Variants in EFCAB3 observed in about 807,000 individuals in gnomAD.
EFCAB3 encodes EF-hand calcium binding domain 3.
A neutral mutation model predicts 42.2 loss-of-function variants in EFCAB3; 36 were observed. That is an observed-to-expected ratio of 0.85 (90% CI 0.65 to 1.13). The LOEUF (loss-of-function observed/expected upper bound fraction) is 1.13, where lower values mean the gene tolerates loss of function less well. Ranked by LOEUF, EFCAB3 falls within the 50% of genes most tolerant of loss-of-function variation. EFCAB3 has a pLI of 0.00. For synonymous variants in EFCAB3, 170 were observed against 172.8 expected, an observed-to-expected ratio of 0.98 and a Z score of 0.13; for missense variants, 418 against 505.1, an observed-to-expected ratio of 0.83 and a Z score of 1.65.
chr17:62,411,697 G>A (rs1052678789), intron 8 of EFCAB3, among the ~76,000 whole-genome samples: 12 of 151,882 alleles, frequency 7.9e-5, no homozygotes, highest in Admixed American at 2.0e-4. Context: ...AACCCAGAAG[G>A]CAGAGGTTGC....
At chr17:62,378,083 T>C, upstream of EFCAB3, 1 of 1,326,330 alleles carries the variant, frequency 7.5e-7, no homozygotes, top group Non-Finnish European at 1.0e-6. Context: ...CTTACATTTT[T>C]TAATACCTTA....
chr17:62,393,441 A>G, intron 4 of EFCAB3, 132 bp from the exon 5 acceptor site: 1 of 693,894 alleles, frequency 1.4e-6, no homozygotes. Context: ...TCACCTGAGC[A>G]TATTTCCAGC....
At chr17:62,411,527 G>C (rs994146842) in intron 8 of EFCAB3, among the ~76,000 whole-genome samples, 1 of 152,150 alleles carries the variant, frequency 6.6e-6, no homozygotes, top group Non-Finnish European at 1.5e-5. Context: ...CCAGCACTTT[G>C]GGAGGCCAAG....
chr17:62,374,707 C>T (rs1361442384), intron 2 of EFCAB3, among the ~76,000 whole-genome samples: 2 of 152,160 alleles, frequency 1.3e-5, no homozygotes, highest in Non-Finnish European at 2.9e-5. Context: ...CGTACAACCT[C>T]AATCTTGAGT....
At chr17:62,382,313 T>C (rs778630103) in intron 1 of EFCAB3, among the ~76,000 whole-genome samples, 8 of 152,236 alleles carry the variant, frequency 5.3e-5, no homozygotes, top group Admixed American at 1.3e-4. Flanking sequence ...TGGCACCATT[T>C]TTATTATTTA....
chr17:62,393,738 C>A, intron 5 of EFCAB3, 94 bp downstream of exon 5: 2 of 1,095,276 alleles, frequency 1.8e-6, no homozygotes, highest in South Asian at 1.3e-5. Flanking sequence ...GGAGACAGGT[C>A]AGGAAGGTGT....
intron 2 of EFCAB3, among the ~76,000 whole-genome samples, chr17:62,383,820 G>A (rs1241114066): frequency 6.6e-6 from 1 of 152,118 alleles, no homozygotes. Flanking sequence ...AAGTCAAAGT[G>A]TAGAAAAAGG....
At chr17:62,388,595 G>T (rs983438690) in intron 3 of EFCAB3, among the ~76,000 whole-genome samples, 1 of 152,314 alleles carries the variant, frequency 6.6e-6, no homozygotes, top group East Asian at 1.9e-4. Flanking sequence ...ATGAATCAAA[G>T]AATCAATCCA....
chr17:62,383,139 G>T, intron 2 of EFCAB3, 86 bp downstream of exon 2: 1 of 1,300,976 alleles, frequency 7.7e-7, no homozygotes, highest in Non-Finnish European at 1.1e-6. Flanking sequence ...TGTCTAGCAG[G>T]TTTTCCGATC....
chr17:62,391,015 C>T (rs1290152201), intron 3 of EFCAB3, among the ~76,000 whole-genome samples: 1 of 152,144 alleles, frequency 6.6e-6, no homozygotes, highest in Non-Finnish European at 1.5e-5. Flanking sequence ...GATTTGGGTC[C>T]AATTTGACAA....
rs186606760 is a variant in EFCAB3 at position 62,414,002 on chromosome 17, T to G, written c.990+148T>G. The G allele has an allele frequency of 1.8e-3, 1,546 of 869,670 alleles. 10 individuals carry two copies. The highest frequency in any genetic ancestry group is 0.017 in the African/African-American group (1,002 of 59,042). The allele number at this position is 869,670 out of a possible 1,614,324, so 53.9% of individuals were successfully genotyped here. A position where few individuals can be genotyped will look rare whatever the true frequency, so the allele number is the denominator to read the frequency against. ...TGTTTCTCATGTTTACCCATTGTAA[T>G]AACACCATTTCTTTCTCTATAATCA... On this transcript the variant is annotated intron_variant, in intron 9 of 9. Coordinates refer to ENST00000305286, the MANE Select transcript of EFCAB3 (RefSeq NM_173503.4).
At chr17:62,409,410 C>T (rs2144111363) in intron 8 of EFCAB3, among the ~76,000 whole-genome samples, 2 of 152,158 alleles carry the variant, frequency 1.3e-5, no homozygotes, top group Middle Eastern at 6.8e-3. Context: ...TGGTACATAC[C>T]CCTAATCCCA....
chr17:62,371,593 T>C (rs1358748653), intron 1 of EFCAB3, among the ~76,000 whole-genome samples: 1 of 152,128 alleles, frequency 6.6e-6, no homozygotes, highest in Non-Finnish European at 1.5e-5. Context: ...TGTGCATGAC[T>C]TTCATTTCTT....
intron 3 of EFCAB3, among the ~76,000 whole-genome samples, chr17:62,391,595 C>T (rs2070302672): frequency 6.6e-6 from 1 of 152,134 alleles, no homozygotes; most frequent in Non-Finnish European, 1.5e-5. Flanking sequence ...CTTTGGAAAG[C>T]CATCTTACCT....
intron 2 of EFCAB3, among the ~76,000 whole-genome samples, chr17:62,374,231 C>T (rs557293767): frequency 1.2e-4 from 19 of 152,098 alleles, no homozygotes; most frequent in Non-Finnish European, 2.4e-4. Context: ...GAGGCCAAGG[C>T]GGGTGGATCA....
intron 8 of EFCAB3, among the ~76,000 whole-genome samples, chr17:62,412,152 G>A (rs1425219298): frequency 6.6e-6 from 1 of 151,710 alleles, no homozygotes; most frequent in African/African-American, 2.4e-5. Context: ...AAGGCAGGCG[G>A]ATCACCTGAG....
rs575999728 is a variant in EFCAB3 at position 62,393,694 on chromosome 17, T to C, written c.367+50T>C. On this transcript the variant is annotated intron_variant, in intron 5 of 9. Coordinates refer to ENST00000305286, the MANE Select transcript of EFCAB3 (RefSeq NM_173503.4). ...AGGCAGTTGGGCAGCTACAACTCACTGCACAGCAAACATCATTCACAGGCT... is the reference window on the plus strand; with the variant it reads ...AGGCAGTTGGGCAGCTACAACTCACCGCACAGCAAACATCATTCACAGGCT... The C allele has an allele frequency of 2.0e-6, 3 of 1,495,190 alleles. No homozygotes were observed. In the East Asian group the frequency reaches 6.8e-5, roughly 34 times the overall value. 92.6% of individuals were successfully genotyped at this position (1,495,190 alleles called of 1,614,324 possible).
At chr17:62,413,509 T>C (rs1237740588) in intron 8 of EFCAB3, among the ~76,000 whole-genome samples, 2 of 152,176 alleles carry the variant, frequency 1.3e-5, no homozygotes, top group African/African-American at 4.8e-5. Context: ...ATTCCAGTCC[T>C]AGGGCACCAT....
At chr17:62,377,868 A>G, upstream of EFCAB3, 1 of 884,678 alleles carries the variant, frequency 1.1e-6, no homozygotes, top group East Asian at 2.7e-5. Flanking sequence ...TAATTTTTTC[A>G]CTCATCTGGG....
Sources: allele counts gnomAD v4.1 joint callset (sites outside exome capture counted in the v4.1 genomes callset), GRCh38; gene constraint gnomAD v4.1.1; transcripts MANE v1.5; gene names NCBI Gene and HGNC (gene_info 2026-07-23, HGNC 2026-07-21).